The following PYHIN1 variants were observed in gnomAD, a reference collection of about 807,000 sequenced individuals.
The protein encoded by PYHIN1 is pyrin and HIN domain-containing protein 1.
A neutral mutation model predicts 43.7 loss-of-function variants in PYHIN1; 32 were observed. That is an observed-to-expected ratio of 0.73 (90% CI 0.55 to 0.98). PYHIN1 has a LOEUF of 0.98. Among genes scored for constraint, PYHIN1 ranks in the 50% least tolerant of loss-of-function variants. PYHIN1 has a pLI of 0.00. For missense variants in PYHIN1, 588 were observed against 589.5 expected (o/e 1.00, Z 0.03); for synonymous variants, 205 against 203.1 (o/e 1.01, Z -0.08).
chr1:158,945,990 T>A (rs998819270), intron 7 of PYHIN1, among the ~76,000 whole-genome samples: 2 of 152,202 alleles, frequency 1.3e-5, no homozygotes, highest in African/African-American at 4.8e-5. Context: ...AGGATTCATA[T>A]CCAGCCCTAT....
At chr1:158,941,942 A>G in intron 4 of PYHIN1, 35 bp from the exon 5 acceptor site, 1 of 1,531,924 alleles carries the variant, frequency 6.5e-7, no homozygotes, top group Non-Finnish European at 8.7e-7. Context: ...TCACTCAAAA[A>G]TTTCTTTTTT....
intron 4 of PYHIN1, chr1:158,939,897 T>G (rs1269378900): frequency 5.1e-6 from 1 of 197,472 alleles, no homozygotes; most frequent in Non-Finnish European, 1.0e-5. Flanking sequence ...GTTCAGTGTC[T>G]GCCTCATGGG....
At chr1:158,981,026 A>G (rs998113785), downstream of PYHIN1, among the ~76,000 whole-genome samples, 1 of 152,122 alleles carries the variant, frequency 6.6e-6, no homozygotes. Flanking sequence ...GCTGGCTGAC[A>G]CTTGTGGAAA....
Position 158,976,781 on chromosome 1 carries a change from A to C in PYHIN1, c.*86A>C. On this transcript the variant is annotated 3_prime_UTR_variant, in exon 9 of 9. Coordinates refer to ENST00000368140, the MANE Select transcript of PYHIN1 (RefSeq NM_152501.5). ...AAATTTTGCCTGAAGTCCTCCACCT[A>C]AAAACCTGATGCCATTGGTAATGAT... The C allele has an allele frequency of 7.5e-7, 1 of 1,325,188 alleles. No homozygotes were observed. The highest frequency in any genetic ancestry group is 1.1e-6 in the Non-Finnish European group (1 of 925,898). 82.1% of individuals were successfully genotyped at this position (1,325,188 alleles called of 1,614,324 possible).
Position 158,972,993 on chromosome 1 carries a change from T to C in PYHIN1, c.1360-654T>C, listed in dbSNP as rs529787672. Among the ~76,000 whole-genome samples, 4 of 152,256 alleles carry C rather than the reference T, an allele frequency of 2.6e-5. No individual in the cohort carries two copies. The South Asian group carries it at 8.3e-4, about 32-fold the overall frequency. On this transcript the variant is annotated intron_variant, in intron 7 of 8. Transcript: ENST00000368140. ...TGAAATCCTATTCCATGCTGCCTTTTACTTACCAGTAAGTTGGACTGTGTA... is the reference window on the plus strand; with the variant it reads ...TGAAATCCTATTCCATGCTGCCTTTCACTTACCAGTAAGTTGGACTGTGTA...
chr1:158,970,079 G>A (rs891953311), intron 7 of PYHIN1, among the ~76,000 whole-genome samples: 8 of 151,866 alleles, frequency 5.3e-5, no homozygotes, highest in Middle Eastern at 3.2e-3. Flanking sequence ...TCTAAACCCC[G>A]AAGAAGACAG....
downstream of PYHIN1, among the ~76,000 whole-genome samples, chr1:158,980,955 C>T (rs1651465553): frequency 6.6e-6 from 1 of 152,134 alleles, no homozygotes; most frequent in South Asian, 2.1e-4. Flanking sequence ...CCTACCGATA[C>T]ATGAAGTCAC....
Position 158,943,920 on chromosome 1 carries a change from G to A in PYHIN1, c.1133G>A (p.Arg378Gln), listed in dbSNP as rs148035759. ...KGDKLRLFCF[R>Q]LRKRENMSKL... Reference sequence around the variant, plus strand: ...GATAAGCTTCGACTCTTCTGCTTTCGACTGAGAAAGAGGGAAAATATGTCA... The same window carrying A: ...GATAAGCTTCGACTCTTCTGCTTTCAACTGAGAAAGAGGGAAAATATGTCA... The change falls in exon 6 of 9, where the codon CGA becomes CAA. Residue 378 changes from arginine to glutamine, a missense_variant. Transcript: ENST00000368140. 25 of 1,607,450 alleles carry A rather than the reference G, an allele frequency of 1.6e-5. No homozygotes were observed. The highest frequency in any genetic ancestry group is 1.2e-4 in the African/African-American group (9 of 74,840).
rs1352605367 is a variant in PYHIN1 at position 158,952,215 on chromosome 1, G to T, written c.1359+7173G>T. ...CCCCAGCAGTCTAGCTCCTGCAGCT[G>T]GGCCTGGCTTCCTGTCGCAGCAGCT... On this transcript the variant is annotated intron_variant, in intron 7 of 8. Transcript: ENST00000368140. Among the ~76,000 whole-genome samples the T allele has an allele frequency of 2.6e-5, 4 of 151,074 alleles. No homozygotes were observed. The East Asian group carries it at 5.9e-4, about 22-fold the overall frequency.
chr1:158,971,293 A>T (rs890272577), intron 7 of PYHIN1, among the ~76,000 whole-genome samples: 2 of 151,940 alleles, frequency 1.3e-5, no homozygotes, highest in Non-Finnish European at 2.9e-5. Flanking sequence ...TGGAAGTAGA[A>T]TGTCCTTAAT....
intron 2 of PYHIN1, 43 bp downstream of exon 2, chr1:158,937,218 A>G (rs759267802): frequency 3.3e-6 from 5 of 1,516,042 alleles, no homozygotes; most frequent in Admixed American, 4.5e-5. Context: ...AATGATCCCC[A>G]CCCTTCCCAA....
At chr1:158,981,826 T>A (rs1935070), downstream of PYHIN1, among the ~76,000 whole-genome samples, 1 of 152,190 alleles carries the variant, frequency 6.6e-6, no homozygotes, top group Non-Finnish European at 1.5e-5. Context: ...GACTTTTTAA[T>A]AGCAGCTATT....
intron 7 of PYHIN1, among the ~76,000 whole-genome samples, chr1:158,947,589 A>G (rs1257579927): frequency 6.6e-6 from 1 of 152,190 alleles, no homozygotes; most frequent in Non-Finnish European, 1.5e-5. Context: ...TGACCCAACA[A>G]CAGATGAATA....
chr1:158,937,873 A>G (rs541077861), intron 2 of PYHIN1, among the ~76,000 whole-genome samples: 2 of 150,372 alleles, frequency 1.3e-5, no homozygotes, highest in Non-Finnish European at 2.9e-5. Flanking sequence ...TGAACCCGAG[A>G]GGCGGAGCTG....
chr1:158,939,440 G>T (rs768349339), intron 4 of PYHIN1, 193 bp downstream of exon 4: 3 of 1,552,428 alleles, frequency 1.9e-6, no homozygotes, highest in South Asian at 2.4e-5. Context: ...CTGACTGCAG[G>T]AAGTTTTCTG....
intron 7 of PYHIN1, among the ~76,000 whole-genome samples, chr1:158,968,426 T>C (rs1437642994): frequency 1.3e-5 from 2 of 152,056 alleles, no homozygotes; most frequent in South Asian, 2.1e-4. Flanking sequence ...ATGACTGTTA[T>C]TAAAAAGTCA....
intron 7 of PYHIN1, among the ~76,000 whole-genome samples, chr1:158,972,832 A>C (rs1651010662): frequency 6.6e-6 from 1 of 152,064 alleles, no homozygotes; most frequent in South Asian, 2.1e-4. Flanking sequence ...TCACATGTCC[A>C]TTTATTTCCT....
chr1:158,938,654 GT>G (rs1477137436), intron 3 of PYHIN1, 112 bp downstream of exon 3: 3 of 1,101,564 alleles, frequency 2.7e-6, no homozygotes, highest in Middle Eastern at 4.7e-4. Flanking sequence ...TTCCCATCAA[GT>G]TTCAGATTTA....
Position 158,976,823 on chromosome 1 carries a change from T to A in PYHIN1, c.*128T>A. 1.4e-6 allele frequency: 1 copy of A among 699,426 alleles called. No individual in the cohort carries two copies. The highest frequency in any genetic ancestry group is 2.7e-5 in the East Asian group (1 of 36,786). 43.3% of individuals were successfully genotyped at this position (699,426 alleles called of 1,614,324 possible). A position where few individuals can be genotyped will look rare whatever the true frequency, so the allele number is the denominator to read the frequency against. On this transcript the variant is annotated 3_prime_UTR_variant, in exon 9 of 9. Coordinates refer to ENST00000368140, the MANE Select transcript of PYHIN1 (RefSeq NM_152501.5). ...GGTAATGATGTTTATGAAGATAAGATCAAAGCACAGAAAATAATATATGTA... is the reference window on the plus strand; with the variant it reads ...GGTAATGATGTTTATGAAGATAAGAACAAAGCACAGAAAATAATATATGTA...
Sources: allele counts gnomAD v4.1 joint callset (sites outside exome capture counted in the v4.1 genomes callset), GRCh38; gene constraint gnomAD v4.1.1; transcripts MANE v1.5; gene names NCBI Gene and HGNC (gene_info 2026-07-23, HGNC 2026-07-21).